The following STAT1 variants were observed in gnomAD, a reference collection of about 807,000 sequenced individuals.
The protein encoded by STAT1 is signal transducer and activator of transcription 1-alpha/beta.
In STAT1, 24 loss-of-function variants were observed where a neutral mutation model predicts 111.7. The observed-to-expected ratio is 0.21, with a 90% CI of 0.16 to 0.30. The LOEUF (loss-of-function observed/expected upper bound fraction) is 0.30. Ranked by LOEUF, STAT1 falls within the 10% of genes least tolerant of loss-of-function variation. The pLI, the probability that STAT1 is intolerant of heterozygous loss-of-function variation, is 1.00. For missense variants in STAT1, 351 were observed against 911.9 expected (o/e 0.38, Z 7.92); for synonymous variants, 332 against 326.5 (o/e 1.02, Z -0.18).
chr2:191,003,916 C>T lies in STAT1; in HGVS notation c.373-2753G>A, dbSNP rs182549865. Among the ~76,000 whole-genome samples, 34 of 152,302 alleles carry T rather than the reference C, an allele frequency of 2.2e-4. No individual in the cohort carries two copies. The highest frequency in any genetic ancestry group is 7.2e-4 in the African/African-American group (30 of 41,556). On this transcript the variant is annotated intron_variant, in intron 5 of 24. Transcript: ENST00000361099. The surrounding 1 kb of genome is among the most constrained non-coding windows in gnomAD (Gnocchi z 4.0). The stretch of plus-strand genomic sequence containing the variant: ...ACTTCCCAGGCCTCCTCCCAAATGA[C>T]CAAGGCTCGGTTTAGAGAACAGGGA...
rs1192983927 is a variant in STAT1 at position 190,977,603 on chromosome 2, G to A, written c.1874-578C>T. 2.0e-5 allele frequency among the ~76,000 whole-genome samples: 3 copies of A among 152,152 alleles called. No homozygotes were observed. Among genetic ancestry groups the A allele is most frequent in the African/African-American group, 7.2e-5 (3 of 41,416 alleles). ...TGAATTCAGATCCTTCTTCCTAGCT[G>A]ATACAGAATCTCCCTTTGGGTGTCG... On this transcript the variant is annotated intron_variant, in intron 21 of 24. Coordinates refer to ENST00000361099, the MANE Select transcript of STAT1 (RefSeq NM_007315.4). This position sits in a 1 kb window ranked among gnomAD's most constrained non-coding sequence, Gnocchi z 4.7.
chr2:191,009,517 A>G (rs1694970349), intron 3 of STAT1, among the ~76,000 whole-genome samples: 1 of 152,218 alleles, frequency 6.6e-6, no homozygotes, highest in South Asian at 2.1e-4. Context: ...TCAATGTTTA[A>G]CCATTAATTT....
Position 190,986,770 on chromosome 2 carries a change from T to G in STAT1, c.1221+84A>C. 7.5e-7 allele frequency: 1 copy of G among 1,335,394 alleles called. No homozygotes were observed. Among genetic ancestry groups the G allele is most frequent in the Non-Finnish European group, 1.1e-6 (1 of 927,036 alleles). The allele number at this position is 1,335,394 out of a possible 1,614,324, so 82.7% of individuals were successfully genotyped here. A position where few individuals can be genotyped will look rare whatever the true frequency, so the allele number is the denominator to read the frequency against. ...CCCCAGCAGGGGGGCGTCCTCCACATGGCAATGTGCCAAAAAGGGCTGCTC... is the reference window on the plus strand; with the variant it reads ...CCCCAGCAGGGGGGCGTCCTCCACAGGGCAATGTGCCAAAAAGGGCTGCTC... On this transcript the variant is annotated intron_variant, in intron 14 of 24. Transcript: ENST00000361099. This position sits in a 1 kb window ranked among gnomAD's most constrained non-coding sequence, Gnocchi z 5.0.
At position 190,978,811 on chromosome 2, in the gene STAT1, C is replaced by T; in HGVS notation, c.1873+45G>A. ...GACTGGCGGCGATGAAGAGGGACTT[C>T]ACACACATGGAATGGTGGGACTATG... On this transcript the variant is annotated intron_variant, in intron 21 of 24. Transcript: ENST00000361099. This position sits in a 1 kb window ranked among gnomAD's most constrained non-coding sequence, Gnocchi z 6.1. 1.9e-6 allele frequency: 3 copies of T among 1,610,350 alleles called. No individual in the cohort carries two copies. The highest frequency in any genetic ancestry group is 2.2e-5 in the East Asian group (1 of 44,818).
rs755962659 is a variant in STAT1 at position 191,004,066 on chromosome 2, T to C, written c.373-2903A>G. Among the ~76,000 whole-genome samples, 10 of 152,164 alleles carry C rather than the reference T, an allele frequency of 6.6e-5. No individual in the cohort carries two copies. Among genetic ancestry groups the C allele is most frequent in the Non-Finnish European group, 1.2e-4 (8 of 68,020 alleles). On this transcript the variant is annotated intron_variant, in intron 5 of 24. Transcript: ENST00000361099. This position sits in a 1 kb window ranked among gnomAD's most constrained non-coding sequence, Gnocchi z 5.0. ...TGGCAGGGCCTAAGAAATCTCCTGC[T>C]TCCAACTTGGGCAGTAGTCCCTCCA...
At chr2:191,011,635 C>T (rs1360994952) in intron 2 of STAT1, among the ~76,000 whole-genome samples, 2 of 152,102 alleles carry the variant, frequency 1.3e-5, no homozygotes, top group African/African-American at 2.4e-5. Context: ...GTGTTAAGGG[C>T]GGGACCAGTG....
intron 3 of STAT1, among the ~76,000 whole-genome samples, 194 bp downstream of exon 3, chr2:191,009,682 T>C (rs147932840): frequency 6.6e-6 from 1 of 152,230 alleles, no homozygotes; most frequent in African/African-American, 2.4e-5. Context: ...ATGACTAATA[T>C]ACTTAACTTT....
In STAT1 at chr2:190,969,255, G is replaced by A. The variant is rs1040006583; in HGVS notation, c.*1448C>T. The A allele has an allele frequency of 6.6e-6, 1 of 152,052 alleles. No individual in the cohort carries two copies. Among genetic ancestry groups the A allele is most frequent in the Non-Finnish European group, 1.5e-5 (1 of 67,964 alleles). The allele number at this position is 152,052 out of a possible 1,614,324, so 9.4% of individuals were successfully genotyped here. On this transcript the variant is annotated 3_prime_UTR_variant, in exon 25 of 25. Transcript: ENST00000361099. ...GCCATCTATATAAAAACTGAGAGAG[G>A]AGGCCTCAGATTGTATGCAGTGCCA...
rs1261939030 is a variant in STAT1 at position 190,974,875 on chromosome 2, A to G, written c.2193T>C (p.Phe731=). ...DNLLPMSPEE[F]DEVSRIVGSV... ...AGCCCACTATCCGAGACACCTCGTCAAACTCCTCAGGAGACATGGGGAGCA... is the reference window on the plus strand; with the variant it reads ...AGCCCACTATCCGAGACACCTCGTCGAACTCCTCAGGAGACATGGGGAGCA... Residue 731 remains phenylalanine, a synonymous_variant, in exon 24 of 25, where the codon TTT becomes TTC. Transcript: ENST00000361099. The surrounding 1 kb of genome is among the most constrained non-coding windows in gnomAD (Gnocchi z 4.8). The G allele has an allele frequency of 1.2e-6, 2 of 1,614,216 alleles. No individual in the cohort carries two copies. The highest frequency in any genetic ancestry group is 2.2e-5 in the East Asian group (1 of 44,880).
At position 190,983,604 on chromosome 2, in the gene STAT1, G is replaced by A. The variant is rs750366637; in HGVS notation, c.1446+38C>T. 1.3e-6 allele frequency: 2 copies of A among 1,586,634 alleles called. No homozygotes were observed. Among genetic ancestry groups the A allele is most frequent in the East Asian group, 2.2e-5 (1 of 44,736 alleles). ...GCAGCAGTGAGAGCGTGGGGTCTCT[G>A]CTTAACCCTGGGACCAAAGCAAATG... On this transcript the variant is annotated intron_variant, in intron 17 of 24. Transcript: ENST00000361099. The surrounding 1 kb of genome is among the most constrained non-coding windows in gnomAD (Gnocchi z 5.7).
Position 190,983,167 on chromosome 2 carries a change from G to A in STAT1, c.1446+475C>T, listed in dbSNP as rs1028171000. Among the ~76,000 whole-genome samples the A allele has an allele frequency of 2.0e-5, 3 of 152,212 alleles. No homozygotes were observed. Among genetic ancestry groups the A allele is most frequent in the African/African-American group, 7.2e-5 (3 of 41,452 alleles). ...CAGAAACACACATAAACAATGTTAT[G>A]CATTGATGGGTTGACAAAAATGTTG... On this transcript the variant is annotated intron_variant, in intron 17 of 24. Transcript: ENST00000361099. This position sits in a 1 kb window ranked among gnomAD's most constrained non-coding sequence, Gnocchi z 5.7.
At position 190,973,296 on chromosome 2, in the gene STAT1, ATTCT is replaced by A. The variant is rs1252155237; in HGVS notation, c.2238+1530_2238+1533del. Among the ~76,000 whole-genome samples, 1 of 152,204 alleles carries A rather than the reference ATTCT, an allele frequency of 6.6e-6. No individual in the cohort carries two copies. The highest frequency in any genetic ancestry group is 2.4e-5 in the African/African-American group (1 of 41,452). On this transcript the variant is annotated intron_variant, in intron 24 of 24. Transcript: ENST00000361099. The surrounding 1 kb of genome is among the most constrained non-coding windows in gnomAD (Gnocchi z 4.4). ...AGAGACTCACTAGGTAGATTCAAAT[ATTCT>A]TTCTACCATTTACTAACTGCTTGAT...
Position 190,997,127 on chromosome 2 carries a change from C to T in STAT1, c.785+729G>A, listed in dbSNP as rs1299036727. ...CACCCCACTCTCCAGCCACCCAATA[C>T]AGCCCCTGCAGTCTCCCACATGTGT... On this transcript the variant is annotated intron_variant, in intron 9 of 24. Coordinates refer to ENST00000361099, the MANE Select transcript of STAT1 (RefSeq NM_007315.4). The surrounding 1 kb of genome is among the most constrained non-coding windows in gnomAD (Gnocchi z 7.3). Among the ~76,000 whole-genome samples, 2 of 152,254 alleles carry T rather than the reference C, an allele frequency of 1.3e-5. No individual in the cohort carries two copies. Among genetic ancestry groups the T allele is most frequent in the African/African-American group, 2.4e-5 (1 of 41,472 alleles).
At position 190,978,709 on chromosome 2, in the gene STAT1, A is replaced by T; in HGVS notation, c.1873+147T>A. The stretch of plus-strand genomic sequence containing the variant: ...CCACAAACATTTGTGGTGGTTTATT[A>T]AATCCTATCGGGGGCTCATTTGGGG... On this transcript the variant is annotated intron_variant, in intron 21 of 24. Coordinates refer to ENST00000361099, the MANE Select transcript of STAT1 (RefSeq NM_007315.4). This position sits in a 1 kb window ranked among gnomAD's most constrained non-coding sequence, Gnocchi z 6.1. 1.0e-6 allele frequency: 1 copy of T among 997,858 alleles called. No individual in the cohort carries two copies. Among genetic ancestry groups the T allele is most frequent in the African/African-American group, 1.6e-5 (1 of 62,798 alleles). The allele number at this position is 997,858 out of a possible 1,614,324, so 61.8% of individuals were successfully genotyped here.
chr2:191,009,545 A>G (rs562505373), intron 3 of STAT1, among the ~76,000 whole-genome samples: 35 of 152,296 alleles, frequency 2.3e-4, no homozygotes, highest in Non-Finnish European at 4.4e-4. Context: ...TTTCTTTTAA[A>G]TTACTTCTTT....
At position 190,975,006 on chromosome 2, in the gene STAT1, T is replaced by C. The variant is rs975015105; in HGVS notation, c.2136-74A>G. The C allele has an allele frequency of 1.8e-6, 2 of 1,106,462 alleles. No homozygotes were observed. The highest frequency in any genetic ancestry group is 2.7e-6 in the Non-Finnish European group (2 of 730,590). 68.5% of individuals were successfully genotyped at this position (1,106,462 alleles called of 1,614,324 possible). ...AGCACTAGTGCATACTTACACACTT[T>C]ATCTTTTGTCTGTAATTGAATTATC... On this transcript the variant is annotated intron_variant, in intron 23 of 24. Transcript: ENST00000361099. The surrounding 1 kb of genome is among the most constrained non-coding windows in gnomAD (Gnocchi z 5.9).
At chr2:190,992,826 G>T (rs1001699068) in intron 10 of STAT1, 1 of 354,066 alleles carries the variant, frequency 2.8e-6, no homozygotes, top group Non-Finnish European at 4.7e-6. Flanking sequence ...GTCTTGCTCC[G>T]TCTCCTAGGC....
At chr2:190,985,834 G>A (rs897433114) in intron 14 of STAT1, among the ~76,000 whole-genome samples, 174 bp from the exon 15 acceptor site, 3 of 152,198 alleles carry the variant, frequency 2.0e-5, no homozygotes, top group Non-Finnish European at 2.9e-5. Context: ...GCAGAAGCAC[G>A]TTTCCTCAGT....
chr2:190,980,608 G>C lies in STAT1; in HGVS notation c.1632+12C>G, dbSNP rs201591153. On this transcript the variant is annotated intron_variant, in intron 19 of 24. Transcript: ENST00000361099. This position sits in a 1 kb window ranked among gnomAD's most constrained non-coding sequence, Gnocchi z 6.1. ...AAGGACTTAGAGAGCATAAAACCCA[G>C]ACAGTCCTCACCTTACAAAACCTCG... is the stretch of plus-strand genomic sequence containing the variant. 3 of 1,614,058 alleles carry C rather than the reference G, an allele frequency of 1.9e-6. No homozygotes were observed. The highest frequency in any genetic ancestry group is 2.5e-6 in the Non-Finnish European group (3 of 1,179,886).
Sources: gnomAD v4.1 joint callset for allele counts (sites outside exome capture counted in the v4.1 genomes callset) on GRCh38, gnomAD v4.1.1 for gene constraint, Gnocchi (gnomAD v3.1) non-coding constraint, MANE v1.5 for transcripts, NCBI Gene and HGNC (gene_info 2026-07-23, HGNC 2026-07-21) for gene names.